ITPRID1: variants seen among roughly 807,000 people sequenced by gnomAD.
The protein encoded by ITPRID1 is ITPR interacting domain containing 1.
A neutral mutation model predicts 95.4 loss-of-function variants in ITPRID1; 96 were observed. That is an observed-to-expected ratio of 1.01 (90% CI 0.85 to 1.19). The LOEUF (loss-of-function observed/expected upper bound fraction) is 1.19, where lower values mean the gene tolerates loss of function less well. Among genes scored for constraint, ITPRID1 ranks in the 50% most tolerant of loss-of-function variants. ITPRID1 has a pLI of 0.00. For missense variants in ITPRID1, 1,339 were observed against 1,252.9 expected (o/e 1.07, Z -1.04); for synonymous variants, 510 against 453.6 (o/e 1.12, Z -1.58).
chr7:31,560,994 A>G (rs1226904345), intron 5 of ITPRID1, among the ~76,000 whole-genome samples: 1 of 152,112 alleles, frequency 6.6e-6, no homozygotes, highest in African/African-American at 2.4e-5. Flanking sequence ...GTAAAAAGGG[A>G]ACCAAAAGAG....
At chr7:31,634,280 A>G (rs1218840405) in intron 10 of ITPRID1, among the ~76,000 whole-genome samples, 2 of 152,198 alleles carry the variant, frequency 1.3e-5, no homozygotes, top group African/African-American at 4.8e-5. Flanking sequence ...TCTAATTAAT[A>G]TTAGTATTAA....
rs1352997974 is a variant in ITPRID1 at position 31,627,248 on chromosome 7, C to T, written c.1229-14928C>T. Among the ~76,000 whole-genome samples the T allele has an allele frequency of 1.3e-5, 2 of 152,094 alleles. 1 individual carries two copies. The highest frequency in any genetic ancestry group is 3.9e-4 in the East Asian group (2 of 5,186). Reference sequence around the variant, plus strand: ...ATGATTGTTACATGAATAAGTGAGACTACATCAAATAATTTTATCAAAATT... The same window carrying T: ...ATGATTGTTACATGAATAAGTGAGATTACATCAAATAATTTTATCAAAATT... On this transcript the variant is annotated intron_variant, in intron 10 of 14. Transcript: ENST00000615280.
downstream of ITPRID1, chr7:31,658,670 T>C (rs1791399913): frequency 5.4e-6 from 1 of 184,932 alleles, no homozygotes; most frequent in Admixed American, 5.8e-5. Context: ...AGCCAAAATA[T>C]GGACGGCACC....
At chr7:31,593,887 TTAATA>T (rs1785966031) in intron 10 of ITPRID1, among the ~76,000 whole-genome samples, 1 of 152,186 alleles carries the variant, frequency 6.6e-6, no homozygotes, top group South Asian at 2.1e-4. Flanking sequence ...GAGGAATAAT[TTAATA>T]TGTGTTCATA....
chr7:31,625,340 C>G (rs565885186), intron 10 of ITPRID1, among the ~76,000 whole-genome samples: 1 of 151,658 alleles, frequency 6.6e-6, no homozygotes, highest in Admixed American at 6.6e-5. Flanking sequence ...TATTGCGGCA[C>G]TATTCACAAT....
At chr7:31,552,863 G>T in intron 2 of ITPRID1, 139 bp from the exon 3 acceptor site, 2 of 881,670 alleles carry the variant, frequency 2.3e-6, no homozygotes, top group East Asian at 5.4e-5. Flanking sequence ...TCAGGTGGGT[G>T]AGCCAGGTTC....
At chr7:31,527,740 C>A (rs941203095) in intron 1 of ITPRID1, among the ~76,000 whole-genome samples, 4 of 152,136 alleles carry the variant, frequency 2.6e-5, no homozygotes, top group African/African-American at 9.7e-5. Context: ...AAAACAAAAA[C>A]AACAGCAGCA....
At chr7:31,640,213 A>G (rs1789894620) in intron 10 of ITPRID1, among the ~76,000 whole-genome samples, 1 of 152,170 alleles carries the variant, frequency 6.6e-6, no homozygotes, top group Non-Finnish European at 1.5e-5. Flanking sequence ...TGTCCTGTGA[A>G]ATAGGAGGTT....
chr7:31,621,771 G>T (rs1223909461), intron 10 of ITPRID1, among the ~76,000 whole-genome samples: 4 of 147,900 alleles, frequency 2.7e-5, no homozygotes, highest in African/African-American at 2.5e-5. Context: ...AACTTTAAAT[G>T]TAAATGGACT....
At chr7:31,529,835 C>T (rs960966258) in intron 1 of ITPRID1, 1 of 1,533,120 alleles carries the variant, frequency 6.5e-7, no homozygotes, top group Non-Finnish European at 8.7e-7. Context: ...TACAGTAACT[C>T]TTATAATTTG....
chr7:31,641,218 G>A (rs187165007), intron 10 of ITPRID1, among the ~76,000 whole-genome samples: 19 of 152,254 alleles, frequency 1.2e-4, no homozygotes, highest in South Asian at 4.2e-4. Flanking sequence ...TGAACTCTTC[G>A]TCAGCAGTTG....
chr7:31,640,369 C>G (rs1383118147), intron 10 of ITPRID1, among the ~76,000 whole-genome samples: 1 of 152,174 alleles, frequency 6.6e-6, no homozygotes, highest in Admixed American at 6.6e-5. Context: ...GCTGAATACT[C>G]AAGAGAGACC....
intron 1 of ITPRID1, among the ~76,000 whole-genome samples, chr7:31,540,720 C>T (rs1419381679): frequency 6.6e-6 from 1 of 152,196 alleles, no homozygotes; most frequent in African/African-American, 2.4e-5. Context: ...CCAAGCCCAG[C>T]CATGGATTTG....
intron 10 of ITPRID1, among the ~76,000 whole-genome samples, chr7:31,632,793 A>G (rs1302783898): frequency 6.6e-6 from 1 of 152,200 alleles, no homozygotes; most frequent in African/African-American, 2.4e-5. Context: ...GCCTATTCAA[A>G]AGTACAAGAC....
chr7:31,617,942 A>AAATGGTAGGAAATGCATTTT (rs1787423981), intron 10 of ITPRID1, among the ~76,000 whole-genome samples: 1 of 152,242 alleles, frequency 6.6e-6, no homozygotes, highest in South Asian at 2.1e-4. Context: ...GTAGTAAAGA[A>AAATGGTAGGAAATGCATTTT]AATGGTAGGA....
At position 31,643,020 on chromosome 7, in the gene ITPRID1, G is replaced by C; in HGVS notation, c.1650G>C (p.Glu550Asp). Residue 550 changes from glutamate to aspartate, a missense_variant, in exon 12 of 15, where the codon GAG (glutamate) becomes GAC (aspartate). Transcript: ENST00000615280. ...AGCTTCTGCCAATGCCCCATGCTGA[G>C]TATGAGGTCACCAGACCCACAGCCA... ...LWQLLPMPHA[E>D]YEVTRPTATS... 1.2e-6 allele frequency: 2 copies of C among 1,614,004 alleles called. No homozygotes were observed. Among genetic ancestry groups the C allele is most frequent in the Non-Finnish European group, 1.7e-6 (2 of 1,179,874 alleles).
intron 1 of ITPRID1, among the ~76,000 whole-genome samples, chr7:31,525,358 G>A (rs1232127995): frequency 1.3e-5 from 2 of 152,130 alleles, no homozygotes; most frequent in Non-Finnish European, 2.9e-5. Flanking sequence ...TTGTGGTAGG[G>A]CTACATCCTT....
Position 31,572,104 on chromosome 7 carries a change from C to T in ITPRID1, c.311C>T (p.Ser104Phe), listed in dbSNP as rs1305283285. ...TGTTGATATTTTCCCAACTGTAGAT[C>T]TTTGCATCAGTTTTCAGAAACTCCC... ...VQMTVKDYMRSLHQFSETPIL... is the reference protein window; with the variant it reads ...VQMTVKDYMRFLHQFSETPIL... The change falls in exon 7 of 15, where the codon TCT (serine) becomes TTT (phenylalanine). Residue 104 changes from serine (S) to phenylalanine (F), a missense_variant and splice_region_variant. Coordinates refer to ENST00000615280, the MANE Select transcript of ITPRID1 (RefSeq NM_001257967.3). 4 of 1,600,576 alleles carry T rather than the reference C, an allele frequency of 2.5e-6. No individual in the cohort carries two copies. In the Admixed American group the frequency reaches 6.7e-5, roughly 27 times the overall value.
intron 5 of ITPRID1, among the ~76,000 whole-genome samples, chr7:31,566,548 C>T (rs1784808120): frequency 6.6e-6 from 1 of 152,202 alleles, no homozygotes; most frequent in South Asian, 2.1e-4. Flanking sequence ...TTGTGAGTTA[C>T]ATGCAAAGTA....
Sources: allele counts gnomAD v4.1 joint callset (sites outside exome capture counted in the v4.1 genomes callset), GRCh38; gene constraint gnomAD v4.1.1; transcripts MANE v1.5; gene names NCBI Gene and HGNC (gene_info 2026-07-23, HGNC 2026-07-21).